Variants in VSX2 observed in about 807,000 individuals in gnomAD.
VSX2 encodes ceh-10 homeo domain containing homolog.
In VSX2, 28 loss-of-function variants were observed where a neutral mutation model predicts 32.1. The observed-to-expected ratio is 0.87, with a 90% CI of 0.65 to 1.20. The LOEUF is 1.20. Among genes scored for constraint, VSX2 ranks in the 50% most tolerant of loss-of-function variants. The probability of loss-of-function intolerance (pLI) is 0.00; values close to 1 mark genes in which losing one functional copy is unlikely to be tolerated. For synonymous variants in VSX2, 243 were observed against 214.1 expected (o/e 1.14, Z -1.18); for missense variants, 506 against 488.7 (o/e 1.04, Z -0.33).
In VSX2 at chr14:74,260,447, C is replaced by T. The variant is rs1408419384; in HGVS notation, c.761-147C>T. On this transcript the variant is annotated intron_variant, in intron 4 of 4. Transcript: ENST00000261980. ...ATCTCCCCATTCCCTGACCCTGGTC[C>T]AGCCCTGGGACTTGTGTGACTGCGG... is the stretch of plus-strand genomic sequence containing the variant. The T allele has an allele frequency of 7.9e-6, 7 of 880,740 alleles. No individual in the cohort carries two copies. The Admixed American group carries it at 1.4e-4, about 18-fold the overall frequency. 54.6% of individuals were successfully genotyped at this position (880,740 alleles called of 1,614,324 possible).
At chr14:74,254,510 C>T (rs1334708250) in intron 3 of VSX2, among the ~76,000 whole-genome samples, 1 of 152,188 alleles carries the variant, frequency 6.6e-6, no homozygotes, top group Non-Finnish European at 1.5e-5. Context: ...GAAGTAGAGG[C>T]TATCTGTATT....
At chr14:74,247,325 G>A (rs11845330) in intron 3 of VSX2, among the ~76,000 whole-genome samples, 3,856 of 152,270 alleles carry the variant, frequency 0.025, 182 homozygotes, top group African/African-American at 0.089. Flanking sequence ...CATGGTTAGG[G>A]TCACTGACTC....
intron 3 of VSX2, among the ~76,000 whole-genome samples, chr14:74,254,401 C>T (rs972393021): frequency 2.7e-5 from 4 of 150,904 alleles, no homozygotes; most frequent in Admixed American, 2.0e-4. Flanking sequence ...ACAGACAGAG[C>T]GAGACTCTGT....
intron 3 of VSX2, among the ~76,000 whole-genome samples, chr14:74,249,976 G>A (rs1242912712): frequency 5.3e-5 from 8 of 151,330 alleles, no homozygotes; most frequent in Non-Finnish European, 1.2e-4. Flanking sequence ...ATAAAACGCT[G>A]GTGCCTGTGA....
chr14:74,260,755 G>A lies in VSX2; in HGVS notation c.922G>A (p.Val308Met), dbSNP rs774083259. ...GGAACTGAGGGAGAACAGCATTGCG[G>A]TGCTCCGGGCCAAAGCTCAGGAGCA... is the stretch of plus-strand genomic sequence containing the variant. ...QEELRENSIA[V>M]LRAKAQEHST... The change falls in exon 5 of 5, where the codon GTG becomes ATG. Residue 308 changes from valine (V) to methionine (M), a missense_variant. Val to Met is a conservative substitution (Grantham distance 21). Coordinates refer to ENST00000261980, the MANE Select transcript of VSX2 (RefSeq NM_182894.3). The A allele has an allele frequency of 1.3e-6, 2 of 1,589,728 alleles. No individual in the cohort carries two copies. The highest frequency in any genetic ancestry group is 2.3e-5 in the South Asian group (2 of 87,328).
At chr14:74,248,334 T>TAAAAAAAAAAAAAAAA (rs781035795) in intron 3 of VSX2, among the ~76,000 whole-genome samples, 8 of 84,740 alleles carry the variant, frequency 9.4e-5, no homozygotes, top group East Asian at 6.6e-4. Context: ...GAGACCAGGC[T>TAAAAAAAAAAAAAAAA]AAAAAAAAAA....
chr14:74,258,887 G>A (rs1183031967), intron 3 of VSX2, among the ~76,000 whole-genome samples: 1 of 152,176 alleles, frequency 6.6e-6, no homozygotes, highest in African/African-American at 2.4e-5. Flanking sequence ...CCTCAACCCT[G>A]GAGAATGTTA....
rs759166720 is a variant in VSX2, at chr14:74,260,643, C to T, written c.810C>T (p.Pro270=). Residue 270 remains proline, a synonymous_variant, in exon 5 of 5, where the codon CCC becomes CCT. Coordinates refer to ENST00000261980, the MANE Select transcript of VSX2 (RefSeq NM_182894.3). ...CAGCAGCCGAGTCGGGGAGGAAGCC[C>T]GAGGGGGAACGCCAGGCCCTGCCCA... The part of the protein sequence containing the change: ...LEAAAESGRK[P]EGERQALPKL... The T allele has an allele frequency of 2.8e-5, 45 of 1,605,806 alleles. No homozygotes were observed. Among genetic ancestry groups the T allele is most frequent in the Middle Eastern group, 1.6e-4 (1 of 6,072 alleles).
intron 2 of VSX2, 42 bp downstream of exon 2, chr14:74,241,308 C>T (rs1327534999): frequency 6.3e-7 from 1 of 1,590,678 alleles, no homozygotes; most frequent in East Asian, 2.2e-5. Context: ...CCCGCGCACC[C>T]CGCTGCCGTC....
At chr14:74,257,154 G>A (rs2079269086) in intron 3 of VSX2, among the ~76,000 whole-genome samples, 1 of 151,952 alleles carries the variant, frequency 6.6e-6, no homozygotes, top group Non-Finnish European at 1.5e-5. Flanking sequence ...GGCCCGCGGC[G>A]CTGGGGAGAT....
chr14:74,251,069 C>T lies in VSX2; in HGVS notation c.579+5781C>T, dbSNP rs192577089. Among the ~76,000 whole-genome samples the T allele has an allele frequency of 3.6e-3, 540 of 151,570 alleles. 8 individuals carry two copies. The highest frequency in any genetic ancestry group is 0.013 in the African/African-American group (523 of 41,372). ...GTGGCTCACGTCCGTAATCCCAGCA[C>T]TTTGGGAGGCCGAGGCGGGTGGATC... is the stretch of plus-strand genomic sequence containing the variant. On this transcript the variant is annotated intron_variant, in intron 3 of 4. Transcript: ENST00000261980.
chr14:74,243,319 GGACACAAC>G (rs2079163407), intron 2 of VSX2, among the ~76,000 whole-genome samples: 1 of 152,134 alleles, frequency 6.6e-6, no homozygotes, highest in Non-Finnish European at 1.5e-5. Context: ...TCTTCAGACT[GGACACAAC>G]AGGAGCCTGA....
At chr14:74,249,848 A>G (rs775027971) in intron 3 of VSX2, among the ~76,000 whole-genome samples, 39 of 152,188 alleles carry the variant, frequency 2.6e-4, no homozygotes, top group Non-Finnish European at 4.6e-4. Flanking sequence ...TCCTCACTCC[A>G]CATCGCTCTG....
At chr14:74,255,182 C>G (rs545647816) in intron 3 of VSX2, among the ~76,000 whole-genome samples, 14 of 152,156 alleles carry the variant, frequency 9.2e-5, no homozygotes, top group Non-Finnish European at 1.9e-4. Context: ...CTGGGAATTC[C>G]AGGTCAGGAC....
rs1169999419 is a variant in VSX2, at chr14:74,260,933, CAG to C, written c.*16_*17del. The stretch of plus-strand genomic sequence containing the variant: ...GACATGGCTTAGGTCAAGGCGCGCT[CAG>C]ATGCCGGAGCCCCAAGACTCTGCTC... On this transcript the variant is annotated 3_prime_UTR_variant, in exon 5 of 5. Coordinates refer to ENST00000261980, the MANE Select transcript of VSX2 (RefSeq NM_182894.3). 1 of 1,551,036 alleles carries C rather than the reference CAG, an allele frequency of 6.4e-7. No homozygotes were observed. Among genetic ancestry groups the C allele is most frequent in the African/African-American group, 1.4e-5 (1 of 73,026 alleles).
At chr14:74,257,281 C>A (rs948903233) in intron 3 of VSX2, among the ~76,000 whole-genome samples, 20 of 152,234 alleles carry the variant, frequency 1.3e-4, no homozygotes, top group Non-Finnish European at 2.6e-4. Flanking sequence ...ATTACACAAA[C>A]CCTTTCCTTG....
Position 74,244,913 on chromosome 14 carries a change from T to TGA in VSX2, c.456-251_456-250insAG, listed in dbSNP as rs1566884380. The stretch of plus-strand genomic sequence containing the variant: ...GTGTGTGTGTGTGTGTGTGTGTGTG[T>TGA]GTGTGTGTGTGTGTGTGAAAGAGAG... On this transcript the variant is annotated intron_variant, in intron 2 of 4. Transcript: ENST00000261980. 5.1e-5 allele frequency among the ~76,000 whole-genome samples: 3 copies of TGA among 59,220 alleles called. 1 individual carries two copies. Among genetic ancestry groups the TGA allele is most frequent in the African/African-American group, 1.2e-4 (3 of 25,494 alleles). 38.9% of individuals were successfully genotyped at this position (59,220 alleles called of 152,430 possible).
At chr14:74,244,907 T>A (rs2079175435) in intron 2 of VSX2, among the ~76,000 whole-genome samples, 6 of 106,434 alleles carry the variant, frequency 5.6e-5, no homozygotes, top group Admixed American at 2.0e-4. Flanking sequence ...TGTGTGTGTG[T>A]GTGTGTGTGT....
intron 3 of VSX2, among the ~76,000 whole-genome samples, chr14:74,256,233 C>T (rs951482586): frequency 1.2e-4 from 19 of 152,318 alleles, no homozygotes; most frequent in Middle Eastern, 3.4e-3. Flanking sequence ...GAGTTCGAGA[C>T]CAGCCTGACC....
Sources: gnomAD v4.1 joint callset for allele counts (sites outside exome capture counted in the v4.1 genomes callset) on GRCh38, gnomAD v4.1.1 for gene constraint, MANE v1.5 for transcripts, NCBI Gene and HGNC (gene_info 2026-07-23, HGNC 2026-07-21) for gene names.